The following CDC123 variants were observed in gnomAD, a reference collection of about 807,000 sequenced individuals.
The protein encoded by CDC123 is translation initiation factor eIF2 assembly protein.
A neutral mutation model predicts 54.4 loss-of-function variants in CDC123; 37 were observed. The observed-to-expected ratio is 0.68, with a 90% CI of 0.52 to 0.89. The LOEUF (loss-of-function observed/expected upper bound fraction) is 0.89. Among genes scored for constraint, CDC123 ranks in the 40% least tolerant of loss-of-function variants. The pLI is 0.00. For missense variants in CDC123, 361 were observed against 412.1 expected (o/e 0.88, Z 1.07); for synonymous variants, 144 against 136.8 (o/e 1.05, Z -0.37).
intron 2 of CDC123, among the ~76,000 whole-genome samples, chr10:12,200,933 CAA>C (rs35686650): frequency 1.4e-5 from 2 of 147,974 alleles, no homozygotes; most frequent in African/African-American, 2.5e-5. Flanking sequence ...AACTTCGTCT[CAA>C]AAAAAAAAAA....
chr10:12,200,503 T>C (rs546786068), intron 2 of CDC123, among the ~76,000 whole-genome samples: 2 of 152,312 alleles, frequency 1.3e-5, no homozygotes, highest in African/African-American at 2.4e-5. Flanking sequence ...AATGAGACTA[T>C]AAGTAAAATA....
At chr10:12,219,712 T>G in intron 6 of CDC123, among the ~76,000 whole-genome samples, 1 of 136,902 alleles carries the variant, frequency 7.3e-6, no homozygotes, top group African/African-American at 2.7e-5. Flanking sequence ...TTTGACGGAG[T>G]CTCACTCTGT....
chr10:12,235,425 A>G (rs557298233), intron 8 of CDC123, among the ~76,000 whole-genome samples: 4 of 152,236 alleles, frequency 2.6e-5, no homozygotes, highest in South Asian at 4.1e-4. Flanking sequence ...TGTGTATGGA[A>G]TTTTCCTAAG....
chr10:12,232,980 C>T (rs879895673), intron 7 of CDC123, among the ~76,000 whole-genome samples: 20 of 151,844 alleles, frequency 1.3e-4, no homozygotes, highest in Admixed American at 1.1e-3. Context: ...AGGATGGTCT[C>T]GTTCTCCTGA....
intron 10 of CDC123, among the ~76,000 whole-genome samples, chr10:12,239,319 C>T (rs1156817025): frequency 6.6e-6 from 1 of 152,168 alleles, no homozygotes; most frequent in Non-Finnish European, 1.5e-5. Flanking sequence ...TAAATGAGCA[C>T]TTACGTCCTA....
At chr10:12,226,454 C>T (rs896210681) in intron 6 of CDC123, among the ~76,000 whole-genome samples, 1 of 152,096 alleles carries the variant, frequency 6.6e-6, no homozygotes, top group East Asian at 1.9e-4. Flanking sequence ...CTCCTCACTT[C>T]CCAGACGGGG....
Position 12,210,426 on chromosome 10 carries a change from C to T in CDC123, c.237+104C>T. 5 of 1,346,994 alleles carry T rather than the reference C, an allele frequency of 3.7e-6. No homozygotes were observed. In the South Asian group the frequency reaches 5.7e-5, roughly 15 times the overall value. 83.4% of individuals were successfully genotyped at this position (1,346,994 alleles called of 1,614,324 possible). On this transcript the variant is annotated intron_variant, in intron 4 of 12. Transcript: ENST00000281141. ...CTCTCTTAAATTCCTAGTCAGTCAC[C>T]ATCTCATATATTATTTTCCCTGTGG...
chr10:12,243,524 C>A (rs908873008), intron 10 of CDC123, among the ~76,000 whole-genome samples: 1 of 152,104 alleles, frequency 6.6e-6, no homozygotes, highest in Non-Finnish European at 1.5e-5. Context: ...CACAGAGGGT[C>A]ACGCCTGTAA....
At chr10:12,208,397 T>C (rs920631913) in intron 2 of CDC123, among the ~76,000 whole-genome samples, 3 of 152,096 alleles carry the variant, frequency 2.0e-5, no homozygotes, top group Non-Finnish European at 4.4e-5. Flanking sequence ...AGGTGAGCAG[T>C]GACTATTTGG....
intron 10 of CDC123, chr10:12,244,720 T>C (rs922455529): frequency 2.0e-5 from 3 of 149,566 alleles, no homozygotes; most frequent in African/African-American, 7.4e-5. Context: ...CTTACCACAT[T>C]CACATAGAAA....
rs566615939 is a variant in CDC123 at position 12,199,956 on chromosome 10, G to C, written c.146+1180G>C. ...TCCTGCCTCAGCCTCCAAGTAGCTG[G>C]GACTACAGGCGCCCACCACCACGCC... is the stretch of plus-strand genomic sequence containing the variant. On this transcript the variant is annotated intron_variant, in intron 2 of 12. Coordinates refer to ENST00000281141, the MANE Select transcript of CDC123 (RefSeq NM_006023.3). Among the ~76,000 whole-genome samples, 8 of 151,166 alleles carry C rather than the reference G, an allele frequency of 5.3e-5. No homozygotes were observed. In the South Asian group the frequency reaches 1.0e-3, roughly 20 times the overall value.
chr10:12,234,690 T>A (rs1002783480), intron 7 of CDC123, among the ~76,000 whole-genome samples: 2 of 152,096 alleles, frequency 1.3e-5, no homozygotes, highest in Non-Finnish European at 2.9e-5. Context: ...TTTAGCACAA[T>A]TTTCCTGTGG....
chr10:12,230,227 C>T (rs550364399), intron 6 of CDC123, among the ~76,000 whole-genome samples: 10 of 151,338 alleles, frequency 6.6e-5, no homozygotes, highest in Non-Finnish European at 1.0e-4. Context: ...GAGTCTCGCT[C>T]TGTCACCCAG....
chr10:12,244,493 G>T (rs979506139), intron 10 of CDC123, among the ~76,000 whole-genome samples: 1 of 152,164 alleles, frequency 6.6e-6, no homozygotes, highest in African/African-American at 2.4e-5. Context: ...GCTGTTTTCT[G>T]CTCAGAGGCC....
At chr10:12,248,694 CA>C (rs1836193780) in intron 11 of CDC123, among the ~76,000 whole-genome samples, 1 of 149,374 alleles carries the variant, frequency 6.7e-6, no homozygotes, top group Admixed American at 6.7e-5. Context: ...TAATCCCAGC[CA>C]CTCGGGAGGC....
chr10:12,208,832 C>T (rs1339623502), intron 2 of CDC123, among the ~76,000 whole-genome samples: 7 of 152,218 alleles, frequency 4.6e-5, no homozygotes, highest in South Asian at 2.1e-4. Context: ...CTGCACACCT[C>T]GCTTTGCTTC....
chr10:12,205,656 T>C (rs1488625995), intron 2 of CDC123, among the ~76,000 whole-genome samples: 1 of 152,238 alleles, frequency 6.6e-6, no homozygotes, highest in Admixed American at 6.5e-5. Flanking sequence ...TCTGCCTGCC[T>C]CTAGAGCCAC....
At chr10:12,238,416 A>G (rs1836007098) in intron 9 of CDC123, 41 bp from the exon 10 acceptor site, 6 of 1,584,638 alleles carry the variant, frequency 3.8e-6, no homozygotes, top group Non-Finnish European at 5.1e-6. Context: ...ACATTGTGAA[A>G]TATTAGTTCA....
intron 11 of CDC123, 77 bp downstream of exon 11, chr10:12,246,354 G>A (rs1446127774): frequency 7.1e-6 from 11 of 1,542,136 alleles, no homozygotes; most frequent in East Asian, 2.3e-5. Context: ...AGACGCATAG[G>A]TAGGCGGCAA....
Sources: gnomAD v4.1 joint callset for allele counts (sites outside exome capture counted in the v4.1 genomes callset) on GRCh38, gnomAD v4.1.1 for gene constraint, MANE v1.5 for transcripts, NCBI Gene and HGNC (gene_info 2026-07-23, HGNC 2026-07-21) for gene names.